The following HS6ST3 variants were observed in gnomAD, a reference collection of about 807,000 sequenced individuals.
HS6ST3 encodes the protein heparan-sulfate 6-O-sulfotransferase 3.
In HS6ST3, 12 loss-of-function variants were observed where a neutral mutation model predicts 36.7. That is an observed-to-expected ratio of 0.33 (90% confidence interval 0.21 to 0.53). HS6ST3 has a LOEUF of 0.53. HS6ST3 is among the 20% of genes least tolerant of loss of function. The pLI, the probability that HS6ST3 is intolerant of heterozygous loss-of-function variation, is 0.95. For missense variants in HS6ST3, 584 were observed against 640.9 expected, an observed-to-expected ratio of 0.91 and a Z score of 0.96; for synonymous variants, 240 against 257.5, an observed-to-expected ratio of 0.93 and a Z score of 0.65.
intron 1 of HS6ST3, among the ~76,000 whole-genome samples, chr13:96,576,227 A>G (rs1297671505): frequency 2.0e-5 from 3 of 147,788 alleles, no homozygotes; most frequent in Admixed American, 1.4e-4. Flanking sequence ...TGGGATGTGC[A>G]AGGGAAATGT....
At chr13:96,399,368 A>G (rs2055437686) in intron 1 of HS6ST3, among the ~76,000 whole-genome samples, 1 of 152,138 alleles carries the variant, frequency 6.6e-6, no homozygotes, top group Non-Finnish European at 1.5e-5. Flanking sequence ...TATTTTATAG[A>G]TGAGAAAATT....
intron 1 of HS6ST3, among the ~76,000 whole-genome samples, chr13:96,562,323 A>G (rs957772155): frequency 3.9e-5 from 6 of 152,142 alleles, no homozygotes; most frequent in African/African-American, 1.4e-4. Context: ...GAGCTAAACA[A>G]TGGGTAGTCA....
chr13:96,545,546 C>T (rs929569703), intron 1 of HS6ST3, among the ~76,000 whole-genome samples: 3 of 152,078 alleles, frequency 2.0e-5, no homozygotes, highest in Admixed American at 6.6e-5. Context: ...CAGACTTAAG[C>T]GTAGTAAGTA....
At chr13:96,346,424 A>G (rs987549995) in intron 1 of HS6ST3, among the ~76,000 whole-genome samples, 4 of 152,014 alleles carry the variant, frequency 2.6e-5, no homozygotes, top group African/African-American at 9.7e-5. Flanking sequence ...AATACAAAAA[A>G]TTAGCCGGGC....
intron 1 of HS6ST3, among the ~76,000 whole-genome samples, chr13:96,161,317 A>T (rs2054134727): frequency 6.6e-6 from 1 of 152,164 alleles, no homozygotes; most frequent in African/African-American, 2.4e-5. Flanking sequence ...CATAGGAGAG[A>T]TAGTAGGATC....
At chr13:96,735,588 T>C (rs1458675548) in intron 1 of HS6ST3, among the ~76,000 whole-genome samples, 1 of 152,176 alleles carries the variant, frequency 6.6e-6, no homozygotes, top group Admixed American at 6.5e-5. Context: ...AGACCCAAGA[T>C]CCTCATTCCT....
At chr13:96,731,777 T>C (rs1210116355) in intron 1 of HS6ST3, among the ~76,000 whole-genome samples, 1 of 151,940 alleles carries the variant, frequency 6.6e-6, no homozygotes, top group Non-Finnish European at 1.5e-5. Context: ...TGCCTCTGAC[T>C]CCCTGGTAGC....
At chr13:96,417,581 C>CAT (rs199802007) in intron 1 of HS6ST3, among the ~76,000 whole-genome samples, 26 of 102,388 alleles carry the variant, frequency 2.5e-4, no homozygotes, top group African/African-American at 9.2e-4. Flanking sequence ...AAAAAAATAG[C>CAT]ATATATATAT....
intron 1 of HS6ST3, among the ~76,000 whole-genome samples, chr13:96,654,219 C>T (rs950714027): frequency 2.0e-5 from 3 of 152,096 alleles, no homozygotes; most frequent in East Asian, 1.9e-4. Context: ...TTAATTAGAT[C>T]CCATTTGTCA....
chr13:96,316,168 A>T (rs2054968135), intron 1 of HS6ST3, among the ~76,000 whole-genome samples: 1 of 152,080 alleles, frequency 6.6e-6, no homozygotes, highest in Non-Finnish European at 1.5e-5. Context: ...ATGCATATGC[A>T]TGTATATGTA....
At chr13:96,358,599 A>T (rs2055221440) in intron 1 of HS6ST3, among the ~76,000 whole-genome samples, 1 of 152,156 alleles carries the variant, frequency 6.6e-6, no homozygotes, top group African/African-American at 2.4e-5. Context: ...ACCTAAAAAC[A>T]GAATGCAGTG....
intron 1 of HS6ST3, among the ~76,000 whole-genome samples, chr13:96,667,019 TAC>T (rs1488032920): frequency 3.3e-5 from 5 of 152,294 alleles, no homozygotes; most frequent in Admixed American, 2.0e-4. Context: ...CATGCTAAGA[TAC>T]AGTCTTTCAA....
At chr13:96,138,509 A>G (rs2054014094) in intron 1 of HS6ST3, among the ~76,000 whole-genome samples, 1 of 151,302 alleles carries the variant, frequency 6.6e-6, no homozygotes, top group Non-Finnish European at 1.5e-5. Flanking sequence ...ATAAAATTTG[A>G]TACATTTTCA....
chr13:96,583,776 C>T (rs1478356215), intron 1 of HS6ST3, among the ~76,000 whole-genome samples: 2 of 152,040 alleles, frequency 1.3e-5, no homozygotes, highest in African/African-American at 2.4e-5. Flanking sequence ...GTCTTAACTC[C>T]AATGAGACCT....
chr13:96,773,199 GCCACCAGGGC>G (rs1230974522), intron 1 of HS6ST3, among the ~76,000 whole-genome samples: 1 of 152,202 alleles, frequency 6.6e-6, no homozygotes, highest in East Asian at 1.9e-4. Flanking sequence ...GGGTGCTTAT[GCCACCAGGGC>G]CCTGGGTTTC....
intron 1 of HS6ST3, among the ~76,000 whole-genome samples, chr13:96,827,637 G>C (rs1340051812): frequency 6.6e-6 from 1 of 152,166 alleles, no homozygotes; most frequent in Non-Finnish European, 1.5e-5. Flanking sequence ...AGCAGAGGTA[G>C]TTTCAAGTTG....
intron 1 of HS6ST3, among the ~76,000 whole-genome samples, chr13:96,648,668 C>G (rs1247340436): frequency 2.0e-5 from 3 of 151,892 alleles, no homozygotes; most frequent in Non-Finnish European, 4.4e-5. Flanking sequence ...GCCCCCACAA[C>G]AGGCCCCAGT....
At chr13:96,189,821 T>C (rs1319407038) in intron 1 of HS6ST3, among the ~76,000 whole-genome samples, 3 of 152,200 alleles carry the variant, frequency 2.0e-5, no homozygotes, top group Non-Finnish European at 4.4e-5. Context: ...ATCAACTACA[T>C]GATCAGATTT....
chr13:96,356,913 A>C (rs2055213023), intron 1 of HS6ST3, among the ~76,000 whole-genome samples: 1 of 152,210 alleles, frequency 6.6e-6, no homozygotes, highest in African/African-American at 2.4e-5. Flanking sequence ...GTTTGTATCC[A>C]CTTTCATCAG....
Sources: gnomAD v4.1 joint callset for allele counts (sites outside exome capture counted in the v4.1 genomes callset) on GRCh38, gnomAD v4.1.1 for gene constraint, MANE v1.5 for transcripts, NCBI Gene and HGNC (gene_info 2026-07-23, HGNC 2026-07-21) for gene names.